Variants in AGMO observed in about 807,000 individuals in gnomAD.
The protein encoded by AGMO is alkylglycerol monooxygenase.
Under a neutral mutation model 60.2 loss-of-function variants are expected in AGMO, and 75 were observed. The ratio of observed to expected loss-of-function variants is 1.25; its 90% confidence interval spans 1.03 to 1.51. The LOEUF (loss-of-function observed/expected upper bound fraction) is 1.51. AGMO is among the 40% of genes most tolerant of loss of function. The pLI, the probability that AGMO is intolerant of heterozygous loss-of-function variation, is 0.00. For synonymous variants in AGMO, 261 were observed against 177.1 expected (o/e 1.47, Z -3.76); for missense variants, 763 against 525.5 (o/e 1.45, Z -4.42).
chr7:15,357,688 G>A (rs967098182), intron 12 of AGMO, among the ~76,000 whole-genome samples: 1 of 152,314 alleles, frequency 6.6e-6, no homozygotes, highest in East Asian at 1.9e-4. Flanking sequence ...CCACTAGAGG[G>A]TGAGAGGCTA....
At chr7:15,228,868 A>T (rs1274967267) in intron 12 of AGMO, among the ~76,000 whole-genome samples, 1 of 152,092 alleles carries the variant, frequency 6.6e-6, no homozygotes, top group Non-Finnish European at 1.5e-5. Flanking sequence ...GAATAAGTAA[A>T]AGCTCTCCAA....
rs761697067 is a variant in AGMO at position 15,394,120 on chromosome 7, A to C, written c.669T>G (p.Val223=). ...LILNTPSHHR[V]HHGRNRYCID... ...GAAACAAAACTTCCTTACCATGATG[A>C]ACCCTATGATGGCTAGGAGTATTAA... Residue 223 remains valine (V), a synonymous_variant, in exon 6 of 13, where the codon GTT becomes GTG. Coordinates refer to ENST00000342526, the MANE Select transcript of AGMO (RefSeq NM_001004320.2). The C allele has an allele frequency of 4.3e-6, 7 of 1,610,396 alleles. No homozygotes were observed. The highest frequency in any genetic ancestry group is 5.9e-6 in the Non-Finnish European group (7 of 1,177,348).
At chr7:15,328,666 G>C (rs1012153471) in intron 12 of AGMO, among the ~76,000 whole-genome samples, 5 of 152,146 alleles carry the variant, frequency 3.3e-5, no homozygotes, top group African/African-American at 7.2e-5. Flanking sequence ...TTATTTCAAA[G>C]TAGTCAAACC....
intron 2 of AGMO, among the ~76,000 whole-genome samples, chr7:15,546,182 A>G (rs1295915287): frequency 6.6e-6 from 1 of 152,144 alleles, no homozygotes; most frequent in Non-Finnish European, 1.5e-5. Flanking sequence ...CTCATACTTT[A>G]ATATTTCAAA....
At chr7:15,497,949 C>T (rs1783277522) in intron 3 of AGMO, among the ~76,000 whole-genome samples, 1 of 152,078 alleles carries the variant, frequency 6.6e-6, no homozygotes, top group East Asian at 1.9e-4. Flanking sequence ...CTTTTATGGG[C>T]ATCATATCAT....
At position 15,450,096 on chromosome 7, in the gene AGMO, G is replaced by A. The variant is rs369999033; in HGVS notation, c.410-18988C>T. Among the ~76,000 whole-genome samples, 4 of 152,140 alleles carry A rather than the reference G, an allele frequency of 2.6e-5. No individual in the cohort carries two copies. In the East Asian group the frequency reaches 5.8e-4, roughly 22 times the overall value. Reference sequence around the variant, plus strand: ...AAATTTTTAGTAAAGTATTACAAATGTAATTGATTGCATCAACTAAACATT... The same window carrying A: ...AAATTTTTAGTAAAGTATTACAAATATAATTGATTGCATCAACTAAACATT... On this transcript the variant is annotated intron_variant, in intron 3 of 12. Transcript: ENST00000342526.
At chr7:15,290,432 T>A (rs1180527338) in intron 12 of AGMO, among the ~76,000 whole-genome samples, 2 of 152,204 alleles carry the variant, frequency 1.3e-5, no homozygotes, top group African/African-American at 2.4e-5. Context: ...TTGGATTAAA[T>A]AAAAATCTAC....
intron 3 of AGMO, among the ~76,000 whole-genome samples, chr7:15,443,357 C>T (rs948351983): frequency 6.6e-6 from 1 of 152,308 alleles, no homozygotes; most frequent in East Asian, 1.9e-4. Context: ...CCCCCTAGAG[C>T]TTTGAGCAGC....
At chr7:15,193,831 G>A in the AGMO span, among the ~76,000 whole-genome samples, 9 of 152,104 alleles carry the variant, frequency 5.9e-5, no homozygotes, top group Admixed American at 3.9e-4. Flanking sequence ...AAAATCTGAT[G>A]TCTGGCAGCA....
chr7:15,153,980 GC>G, the AGMO span, among the ~76,000 whole-genome samples: 3 of 151,986 alleles, frequency 2.0e-5, no homozygotes, highest in Non-Finnish European at 2.9e-5. Context: ...CCATGAGGAG[GC>G]CCACTTGCAC....
chr7:15,156,031 G>T, the AGMO span, among the ~76,000 whole-genome samples: 535 of 152,218 alleles, frequency 3.5e-3, 6 homozygotes, highest in African/African-American at 0.012. Flanking sequence ...GTATTCCCAG[G>T]CTATTGGCAA....
chr7:15,150,796 G>C, the AGMO span, among the ~76,000 whole-genome samples: 4 of 152,032 alleles, frequency 2.6e-5, no homozygotes, highest in African/African-American at 9.7e-5. Context: ...GGTTTTGTTA[G>C]TATCAGAATG....
chr7:15,472,555 T>C (rs1782476668), intron 3 of AGMO, among the ~76,000 whole-genome samples: 1 of 151,888 alleles, frequency 6.6e-6, no homozygotes, highest in African/African-American at 2.4e-5. Context: ...AAAAGTAAAA[T>C]GCAGTGTTGC....
At chr7:15,247,981 A>G (rs1352648406) in intron 12 of AGMO, among the ~76,000 whole-genome samples, 1 of 151,380 alleles carries the variant, frequency 6.6e-6, no homozygotes, top group African/African-American at 2.4e-5. Flanking sequence ...CCTCTTAGAG[A>G]AACTGAAGTA....
intron 12 of AGMO, among the ~76,000 whole-genome samples, chr7:15,298,916 T>C (rs1460504235): frequency 6.6e-6 from 1 of 152,156 alleles, no homozygotes; most frequent in Non-Finnish European, 1.5e-5. Context: ...TCGCTCACAG[T>C]CAACTATTTT....
intron 12 of AGMO, among the ~76,000 whole-genome samples, chr7:15,289,314 TTTA>T (rs75742533): frequency 0.063 from 9,477 of 150,050 alleles, 474 homozygotes; most frequent in South Asian, 0.19. Flanking sequence ...TGATAAATTA[TTTA>T]TTATCAAATT....
intron 2 of AGMO, among the ~76,000 whole-genome samples, chr7:15,553,659 C>G (rs1047828587): frequency 4.0e-5 from 6 of 151,852 alleles, no homozygotes; most frequent in Non-Finnish European, 7.4e-5. Flanking sequence ...ATTAAGATAC[C>G]AAGATCTCAA....
chr7:15,496,556 A>C (rs1469024790), intron 3 of AGMO, among the ~76,000 whole-genome samples: 1 of 151,780 alleles, frequency 6.6e-6, no homozygotes, highest in Non-Finnish European at 1.5e-5. Flanking sequence ...GAATCAAAAA[A>C]AAAATGCTAA....
chr7:15,404,648 A>G (rs1246490362), intron 5 of AGMO, among the ~76,000 whole-genome samples: 1 of 151,860 alleles, frequency 6.6e-6, no homozygotes, highest in Non-Finnish European at 1.5e-5. Flanking sequence ...TGAAAAACTG[A>G]AAGGTTAAGT....
Sources: gnomAD v4.1 joint callset for allele counts (sites outside exome capture counted in the v4.1 genomes callset) on GRCh38, gnomAD v4.1.1 for gene constraint, MANE v1.5 for transcripts, NCBI Gene and HGNC (gene_info 2026-07-23, HGNC 2026-07-21) for gene names.